The following NREP variants were observed in gnomAD, a reference collection of about 807,000 sequenced individuals.
NREP encodes neuronal regeneration related protein.
Under a neutral mutation model 8.6 loss-of-function variants are expected in NREP, and 5 were observed. That is an observed-to-expected ratio of 0.58 (90% CI 0.30 to 1.22). The LOEUF (loss-of-function observed/expected upper bound fraction) is 1.22, where lower values mean the gene tolerates loss of function less well. Among genes scored for constraint, NREP ranks in the 50% most tolerant of loss-of-function variants. The pLI is 0.07. For synonymous variants in NREP, 27 were observed against 28.0 expected, an observed-to-expected ratio of 0.96 and a Z score of 0.11; for missense variants, 86 against 82.5, an observed-to-expected ratio of 1.04 and a Z score of -0.17.
rs573264358 is a variant in NREP, at chr5:111,895,868, G to A, written c.135+79406C>T. 2.0e-5 allele frequency among the ~76,000 whole-genome samples: 3 copies of A among 152,278 alleles called. No homozygotes were observed. The South Asian group carries it at 6.2e-4, about 32-fold the overall frequency. ...GGCTCATGTACGGCCTTAGAAGGAG[G>A]AGTGATGGGCAAAATGCTTAACTCA... is the stretch of plus-strand genomic sequence containing the variant. On this transcript the variant is annotated intron_variant, in intron 2 of 3. Transcript: ENST00000395634.
chr5:111,894,734 T>G (rs1455286496), intron 2 of NREP, among the ~76,000 whole-genome samples: 1 of 152,188 alleles, frequency 6.6e-6, no homozygotes, highest in Non-Finnish European at 1.5e-5. Context: ...AAACCATGAT[T>G]GTTGATGCAC....
intron 2 of NREP, among the ~76,000 whole-genome samples, chr5:111,901,941 T>C (rs563413252): frequency 6.6e-6 from 1 of 151,986 alleles, no homozygotes; most frequent in East Asian, 1.9e-4. Context: ...ATAGAAACAG[T>C]AAAAGAATTC....
At chr5:111,927,734 G>A (rs539142000) in intron 2 of NREP, among the ~76,000 whole-genome samples, 1 of 152,166 alleles carries the variant, frequency 6.6e-6, no homozygotes, top group South Asian at 2.1e-4. Flanking sequence ...TAACTACCCT[G>A]CCCACTTTTT....
At chr5:111,847,435 C>T (rs1404950430) in intron 2 of NREP, among the ~76,000 whole-genome samples, 1 of 152,154 alleles carries the variant, frequency 6.6e-6, no homozygotes, top group Non-Finnish European at 1.5e-5. Flanking sequence ...CAAATACCAT[C>T]ACATTAGGGG....
At chr5:111,905,757 G>A (rs1845486) in intron 2 of NREP, among the ~76,000 whole-genome samples, 91,263 of 151,896 alleles carry the variant, frequency 0.6, 27,864 homozygotes, top group Non-Finnish European at 0.66. Context: ...TCAAATATAC[G>A]CTATTATTAA....
chr5:111,852,565 A>G (rs1047041107), intron 2 of NREP, among the ~76,000 whole-genome samples: 7 of 152,172 alleles, frequency 4.6e-5, no homozygotes, highest in African/African-American at 1.4e-4. Context: ...TGAGCAAAGC[A>G]TGCTATTGAG....
intron 2 of NREP, among the ~76,000 whole-genome samples, chr5:111,934,670 A>G (rs1755632981): frequency 6.6e-6 from 1 of 152,102 alleles, no homozygotes; most frequent in African/African-American, 2.4e-5. Context: ...GTGGGGAATC[A>G]GCCTACATTA....
intron 2 of NREP, among the ~76,000 whole-genome samples, chr5:111,907,919 GC>G (rs1451260800): frequency 6.6e-6 from 1 of 151,982 alleles, no homozygotes; most frequent in Non-Finnish European, 1.5e-5. Flanking sequence ...CAAGATCAGT[GC>G]TGGCACTTGG....
At chr5:111,943,808 AT>A (rs1252738361) in intron 2 of NREP, among the ~76,000 whole-genome samples, 1 of 151,998 alleles carries the variant, frequency 6.6e-6, no homozygotes, top group Non-Finnish European at 1.5e-5. Context: ...GTTTCTTTGG[AT>A]TTTTCCGATT....
chr5:111,823,745 T>A (rs778490120), intron 2 of NREP, among the ~76,000 whole-genome samples: 1 of 152,202 alleles, frequency 6.6e-6, no homozygotes, highest in Non-Finnish European at 1.5e-5. Context: ...TTGTTTTACA[T>A]ATCCTGGCAG....
chr5:111,766,111 G>A (rs1209202347), intron 2 of NREP, among the ~76,000 whole-genome samples: 1 of 152,128 alleles, frequency 6.6e-6, no homozygotes, highest in Admixed American at 6.5e-5. Flanking sequence ...GTAACTTCAA[G>A]TTCATCTTGA....
At chr5:111,972,753 C>A (rs1327372940) in intron 2 of NREP, among the ~76,000 whole-genome samples, 1 of 152,134 alleles carries the variant, frequency 6.6e-6, no homozygotes, top group Non-Finnish European at 1.5e-5. Context: ...TGCACCTCAC[C>A]CCACTAGGGG....
chr5:111,835,161 G>C (rs750062244), intron 2 of NREP, among the ~76,000 whole-genome samples: 5 of 152,082 alleles, frequency 3.3e-5, no homozygotes, highest in Non-Finnish European at 7.4e-5. Context: ...ACACAACTTT[G>C]CCAAGGTCAT....
At chr5:111,928,773 C>T (rs996268551) in intron 2 of NREP, among the ~76,000 whole-genome samples, 1 of 151,958 alleles carries the variant, frequency 6.6e-6, no homozygotes, top group Non-Finnish European at 1.5e-5. Flanking sequence ...AAGAGAGAGC[C>T]CATAGACCAC....
At position 111,861,184 on chromosome 5, in the gene NREP, T is replaced by G. The variant is rs542686289; in HGVS notation, c.135+114090A>C. On this transcript the variant is annotated intron_variant, in intron 2 of 3. Transcript: ENST00000395634. ...GACCTCAGGTACAGAGATCAGGAAGTTTCCTAGAGCACCTGCCATGAGGTG... is the reference window on the plus strand; with the variant it reads ...GACCTCAGGTACAGAGATCAGGAAGGTTCCTAGAGCACCTGCCATGAGGTG... 1.3e-3 allele frequency among the ~76,000 whole-genome samples: 198 copies of G among 152,226 alleles called. 1 individual carries two copies. The highest frequency in any genetic ancestry group is 4.6e-3 in the African/African-American group (190 of 41,536).
chr5:111,917,152 GCA>G (rs1433991943), intron 2 of NREP, among the ~76,000 whole-genome samples: 5 of 152,050 alleles, frequency 3.3e-5, no homozygotes, highest in Non-Finnish European at 7.4e-5. Context: ...AGGTGAGCAT[GCA>G]CAGTGTGTTT....
chr5:111,884,638 G>A (rs1296585250), intron 2 of NREP, among the ~76,000 whole-genome samples: 1 of 152,148 alleles, frequency 6.6e-6, no homozygotes, highest in African/African-American at 2.4e-5. Context: ...GATCAAGTGG[G>A]CTTCATCCCT....
chr5:111,772,677 T>C (rs944806528), intron 2 of NREP, among the ~76,000 whole-genome samples: 2 of 151,958 alleles, frequency 1.3e-5, no homozygotes, highest in East Asian at 1.9e-4. Flanking sequence ...TGGTCCTTTA[T>C]GGGAACTGCA....
rs994692339 is a variant in NREP at position 111,890,158 on chromosome 5, A to T, written c.135+85116T>A. ...TTCCCAAAGGAAGAAATCAGCCAAAAGTAAGGGGCTACAGGCCTCAAGCAA... is the reference window on the plus strand; with the variant it reads ...TTCCCAAAGGAAGAAATCAGCCAAATGTAAGGGGCTACAGGCCTCAAGCAA... On this transcript the variant is annotated intron_variant, in intron 2 of 3. Transcript: ENST00000395634. Among the ~76,000 whole-genome samples, 8 of 152,350 alleles carry T rather than the reference A, an allele frequency of 5.3e-5. No homozygotes were observed. In the East Asian group the frequency reaches 1.5e-3, roughly 29 times the overall value.
Sources: gnomAD v4.1 joint callset for allele counts (sites outside exome capture counted in the v4.1 genomes callset) on GRCh38, gnomAD v4.1.1 for gene constraint, MANE v1.5 for transcripts, NCBI Gene and HGNC (gene_info 2026-07-23, HGNC 2026-07-21) for gene names.